The following SMPD3 variants were observed in gnomAD, a reference collection of about 807,000 sequenced individuals.
SMPD3 encodes sphingomyelin phosphodiesterase 3, also known as nSMase-2.
A neutral mutation model predicts 55.7 loss-of-function variants in SMPD3; 21 were observed. The ratio of observed to expected loss-of-function variants is 0.38; its 90% CI spans 0.27 to 0.54. The LOEUF is 0.54. Ranked by LOEUF, SMPD3 falls within the 20% of genes least tolerant of loss-of-function variation. The probability of loss-of-function intolerance (pLI) is 0.80; values close to 1 mark genes in which losing one functional copy is unlikely to be tolerated. For synonymous variants in SMPD3, 457 were observed against 404.3 expected (o/e 1.13, Z -1.56); for missense variants, 842 against 899.6 (o/e 0.94, Z 0.82).
At chr16:68,427,460 C>T (rs3848272) in intron 1 of SMPD3, among the ~76,000 whole-genome samples, 116,161 of 152,168 alleles carry the variant, frequency 0.76, 44,647 homozygotes, top group East Asian at 0.88. Flanking sequence ...AACTGTCCAA[C>T]AGAACTTTCT....
chr16:68,371,575 T>G lies in SMPD3; in HGVS notation c.607A>C (p.Ser203Arg), dbSNP rs1324479308. The G allele has an allele frequency of 6.3e-7, 1 of 1,583,290 alleles. No individual in the cohort carries two copies. Among genetic ancestry groups the G allele is most frequent in the African/African-American group, 1.4e-5 (1 of 73,820 alleles). The change falls in exon 3 of 9, where the codon AGC (serine) becomes CGC (arginine). Residue 203 changes from serine to arginine, a missense_variant. This residue lies in a region of SMPD3 where 649 missense variants were observed against 643.6 expected (regional missense o/e 1.01). Transcript: ENST00000219334. Reference sequence around the variant, plus strand: ...TCCACAGAGGCTGTCCTCTTAATGCTCCCGGGGACGGCCCGGGCCACCCCA... The same window carrying G: ...TCCACAGAGGCTGTCCTCTTAATGCGCCCGGGGACGGCCCGGGCCACCCCA... Reference protein sequence around the residue: ...GDGVARAVPGSIKRTASVEYK... With the variant: ...GDGVARAVPGRIKRTASVEYK...
chr16:68,365,341 C>T (rs183103910), intron 3 of SMPD3, among the ~76,000 whole-genome samples: 2 of 152,256 alleles, frequency 1.3e-5, no homozygotes, highest in African/African-American at 4.8e-5. Flanking sequence ...CTGTGCAAAG[C>T]ATGGGGGAAG....
intron 1 of SMPD3, among the ~76,000 whole-genome samples, chr16:68,405,545 C>CAAAA (rs67518521): frequency 2.5e-3 from 183 of 72,562 alleles, no homozygotes; most frequent in Non-Finnish European, 3.3e-3. Context: ...GACCCTGTCT[C>CAAAA]AAAAAAAAAA....
intron 2 of SMPD3, among the ~76,000 whole-genome samples, chr16:68,376,413 C>A (rs1188462160): frequency 2.6e-5 from 4 of 152,240 alleles, no homozygotes; most frequent in African/African-American, 9.6e-5. Flanking sequence ...GCTTCCATGT[C>A]CCTGGACTGG....
In SMPD3 at chr16:68,404,507, C is replaced by T. The variant is rs1246421500; in HGVS notation, c.-268-17848G>A. Among the ~76,000 whole-genome samples, 1 of 152,142 alleles carries T rather than the reference C, an allele frequency of 6.6e-6. No homozygotes were observed. The highest frequency in any genetic ancestry group is 1.5e-5 in the Non-Finnish European group (1 of 68,028). On this transcript the variant is annotated intron_variant, in intron 1 of 8. Transcript: ENST00000219334. The surrounding 1 kb of genome is among the most constrained non-coding windows in gnomAD (Gnocchi z 4.0). ...GCCCAGCTGTTTTCTCTGTTTTATCCTGGAATCTCCATGGGCCTCAGCTTA... is the reference window on the plus strand; with the variant it reads ...GCCCAGCTGTTTTCTCTGTTTTATCTTGGAATCTCCATGGGCCTCAGCTTA...
chr16:68,394,309 T>C (rs1443214072), intron 1 of SMPD3, among the ~76,000 whole-genome samples: 1 of 152,252 alleles, frequency 6.6e-6, no homozygotes, highest in Non-Finnish European at 1.5e-5. Context: ...GTTTCATGTC[T>C]TACCTTATCC....
chr16:68,361,901 G>A (rs887382995), intron 7 of SMPD3, 142 bp from the exon 8 acceptor site: 1 of 1,295,520 alleles, frequency 7.7e-7, no homozygotes, highest in Non-Finnish European at 1.0e-6. Context: ...TCTCTCCCCT[G>A]CGGGTCCAAA....
intron 1 of SMPD3, among the ~76,000 whole-genome samples, chr16:68,410,468 T>A (rs1306928930): frequency 2.6e-5 from 4 of 152,136 alleles, no homozygotes; most frequent in African/African-American, 9.7e-5. Context: ...TCAGGCTATT[T>A]GGGCAGTGGG....
At chr16:68,418,445 T>A (rs2090357077) in intron 1 of SMPD3, among the ~76,000 whole-genome samples, 1 of 152,078 alleles carries the variant, frequency 6.6e-6, no homozygotes, top group Admixed American at 6.5e-5. Context: ...GGCCTTTGAA[T>A]ACTTTAAATA....
rs2089238080 is a variant in SMPD3, at chr16:68,361,169, T to C, written c.*37A>G. 1 of 1,587,910 alleles carries C rather than the reference T, an allele frequency of 6.3e-7. No homozygotes were observed. The highest frequency in any genetic ancestry group is 8.6e-7 in the Non-Finnish European group (1 of 1,160,110). On this transcript the variant is annotated 3_prime_UTR_variant, in exon 9 of 9. Transcript: ENST00000219334. ...ACATGGCCCAGGGATGGGCTGCAGC[T>C]GCAAGGGCTGGCAGAGGCCCCGCTG...
At chr16:68,385,023 T>C (rs1380950038) in intron 2 of SMPD3, among the ~76,000 whole-genome samples, 2 of 152,134 alleles carry the variant, frequency 1.3e-5, no homozygotes, top group Admixed American at 6.5e-5. Context: ...AGATTGGACA[T>C]GAGCATCAGA....
At chr16:68,394,747 T>C (rs1207026261) in intron 1 of SMPD3, among the ~76,000 whole-genome samples, 1 of 152,200 alleles carries the variant, frequency 6.6e-6, no homozygotes, top group Non-Finnish European at 1.5e-5. Flanking sequence ...CTGTATCCTA[T>C]GTACAATATG....
chr16:68,369,176 C>T (rs902045294), intron 3 of SMPD3: 1 of 141,646 alleles, frequency 7.1e-6, no homozygotes, highest in African/African-American at 2.7e-5. Context: ...GAGATCGTGC[C>T]ACTGCACTCC....
At chr16:68,446,472 A>G (rs903471236) in intron 1 of SMPD3, among the ~76,000 whole-genome samples, 2 of 141,972 alleles carry the variant, frequency 1.4e-5, no homozygotes, top group African/African-American at 5.3e-5. Context: ...GTAAATGAGT[A>G]AGTGGTTCAT....
At chr16:68,366,058 T>A (rs1425346734) in intron 3 of SMPD3, among the ~76,000 whole-genome samples, 1 of 152,024 alleles carries the variant, frequency 6.6e-6, no homozygotes, top group Admixed American at 6.6e-5. Context: ...GCCATGCAAA[T>A]CCATTCCAGA....
At chr16:68,443,821 G>A (rs2090586421) in intron 1 of SMPD3, among the ~76,000 whole-genome samples, 1 of 152,172 alleles carries the variant, frequency 6.6e-6, no homozygotes, top group African/African-American at 2.4e-5. Flanking sequence ...TTTTATTTCT[G>A]TAATAGCAAT....
intron 1 of SMPD3, among the ~76,000 whole-genome samples, chr16:68,413,285 T>C (rs1226953968): frequency 2.0e-5 from 3 of 152,216 alleles, no homozygotes; most frequent in Non-Finnish European, 4.4e-5. Flanking sequence ...GCCCTTCTTC[T>C]GCCTCTGCTC....
In SMPD3 at chr16:68,372,080, G is replaced by A. The variant is rs199814028; in HGVS notation, c.102C>T (p.Leu34=). Residue 34 remains leucine (L), a synonymous_variant, in exon 3 of 9, where the codon CTC becomes CTT. Coordinates refer to ENST00000219334, the MANE Select transcript of SMPD3 (RefSeq NM_018667.4). ...IFPCYWLVDR[L]AASFIPTTYE... ...AGGTGGTGGGTATGAAGGAGGCAGC[G>A]AGCCGGTCCACCAGCCAGTAGCATG... is the stretch of plus-strand genomic sequence containing the variant. 111 of 1,608,964 alleles carry A rather than the reference G, an allele frequency of 6.9e-5. No individual in the cohort carries two copies. The East Asian group carries it at 1.3e-3, about 20-fold the overall frequency.
chr16:68,404,108 C>T lies in SMPD3; in HGVS notation c.-268-17449G>A, dbSNP rs1402803973. Among the ~76,000 whole-genome samples, 2 of 151,798 alleles carry T rather than the reference C, an allele frequency of 1.3e-5. No individual in the cohort carries two copies. The highest frequency in any genetic ancestry group is 2.4e-5 in the African/African-American group (1 of 41,318). ...ATGGCTCACTGCAGCCTCTGCCTCT[C>T]GGGCTCAAGAGATCCTCCCACCTCA... On this transcript the variant is annotated intron_variant, in intron 1 of 8. Coordinates refer to ENST00000219334, the MANE Select transcript of SMPD3 (RefSeq NM_018667.4). This position sits in a 1 kb window ranked among gnomAD's most constrained non-coding sequence, Gnocchi z 4.0.
Sources: allele counts gnomAD v4.1 joint callset (sites outside exome capture counted in the v4.1 genomes callset), GRCh38; gene constraint gnomAD v4.1.1; regional missense constraint gnomAD v4.1.1; non-coding constraint Gnocchi (gnomAD v3.1); transcripts MANE v1.5; gene names NCBI Gene and HGNC (gene_info 2026-07-23, HGNC 2026-07-21).